MOB3B: variants seen among roughly 807,000 people sequenced by gnomAD.
MOB3B encodes the protein MOB kinase activator-like 2B.
In MOB3B, 7 loss-of-function variants were observed where a neutral mutation model predicts 18.7. That is an observed-to-expected ratio of 0.37 (90% CI 0.21 to 0.70). The LOEUF (loss-of-function observed/expected upper bound fraction) is 0.70. MOB3B is among the 30% of genes least tolerant of loss of function. The pLI is 0.52. For synonymous variants in MOB3B, 111 were observed against 99.9 expected, an observed-to-expected ratio of 1.11 and a Z score of -0.66; for missense variants, 253 against 281.3, an observed-to-expected ratio of 0.90 and a Z score of 0.72.
At chr9:27,406,876 T>C (rs1821988092) in intron 2 of MOB3B, among the ~76,000 whole-genome samples, 2 of 152,086 alleles carry the variant, frequency 1.3e-5, no homozygotes, top group Non-Finnish European at 2.9e-5. Flanking sequence ...TTTGCTCTTG[T>C]TGTGCTGGCT....
At position 27,455,330 on chromosome 9, in the gene MOB3B, A is replaced by G; in HGVS notation, c.221T>C (p.Ile74Thr). The G allele has an allele frequency of 1.2e-6, 2 of 1,614,070 alleles. No homozygotes were observed. The highest frequency in any genetic ancestry group is 1.7e-6 in the Non-Finnish European group (2 of 1,180,016). ...GCAGAACTCACAGATGGTGCCATAG[A>G]TGAGGTTGATCCGATTGAAGAAGTC... ...VVDFFNRINLIYGTICEFCTE... is the reference protein window; with the variant it reads ...VVDFFNRINLTYGTICEFCTE... Residue 74 changes from isoleucine (I) to threonine (T), a missense_variant, in exon 2 of 4, where the codon ATC becomes ACC. By Grantham distance (89) the Ile-to-Thr change is moderately conservative (BLOSUM62 -1). Transcript: ENST00000262244.
intron 1 of MOB3B, among the ~76,000 whole-genome samples, chr9:27,515,937 A>C (rs1462515445): frequency 6.6e-6 from 1 of 152,246 alleles, no homozygotes; most frequent in Non-Finnish European, 1.5e-5. Context: ...AGAAGATGTC[A>C]TACTGGATTA....
chr9:27,459,203 C>T (rs1819240310), intron 1 of MOB3B, among the ~76,000 whole-genome samples: 1 of 152,186 alleles, frequency 6.6e-6, no homozygotes, highest in Admixed American at 6.5e-5. Context: ...ACTTTCCCAG[C>T]CCAGAGCCCC....
chr9:27,376,537 C>T (rs1262921105), intron 2 of MOB3B, among the ~76,000 whole-genome samples: 1 of 152,180 alleles, frequency 6.6e-6, no homozygotes, highest in African/African-American at 2.4e-5. Flanking sequence ...AGTAGTCTTC[C>T]TTTGAGTATA....
intron 2 of MOB3B, among the ~76,000 whole-genome samples, chr9:27,443,203 C>G (rs1020620502): frequency 1.3e-5 from 2 of 152,152 alleles, no homozygotes; most frequent in Non-Finnish European, 2.9e-5. Context: ...CGTGACACAA[C>G]TGAAAAGCAG....
intron 3 of MOB3B, 53 bp from the exon 4 acceptor site, chr9:27,330,669 A>G (rs771500904): frequency 1.6e-5 from 25 of 1,611,826 alleles, no homozygotes; most frequent in Non-Finnish European, 2.1e-5. Context: ...CAGAGCAACG[A>G]TTTGGTGAAG....
chr9:27,360,070 G>A (rs531066962), intron 2 of MOB3B, among the ~76,000 whole-genome samples: 4 of 152,278 alleles, frequency 2.6e-5, no homozygotes, highest in East Asian at 1.9e-4. Flanking sequence ...GTAAAAGAGC[G>A]GTCATAATAA....
chr9:27,455,042 G>C, intron 2 of MOB3B, 91 bp downstream of exon 2: 3 of 1,335,804 alleles, frequency 2.2e-6, no homozygotes, highest in Non-Finnish European at 3.2e-6. Flanking sequence ...TTAATGCATG[G>C]GTGCTACCTA....
chr9:27,372,169 A>T (rs1048754347), intron 2 of MOB3B, among the ~76,000 whole-genome samples: 2 of 152,206 alleles, frequency 1.3e-5, no homozygotes, highest in Non-Finnish European at 2.9e-5. Context: ...GGCCTGGGAC[A>T]CCTTAGTGTC....
At chr9:27,342,131 G>A (rs1820950954) in intron 3 of MOB3B, among the ~76,000 whole-genome samples, 1 of 152,150 alleles carries the variant, frequency 6.6e-6, no homozygotes, top group Non-Finnish European at 1.5e-5. Flanking sequence ...GAGCGACTGG[G>A]ACAGAGCCCG....
At chr9:27,399,128 T>TCATG (rs1563858995) in intron 2 of MOB3B, among the ~76,000 whole-genome samples, 2 of 152,152 alleles carry the variant, frequency 1.3e-5, no homozygotes, top group African/African-American at 4.8e-5. Flanking sequence ...TCTACTATTA[T>TCATG]CATGCATGAA....
At chr9:27,358,571 G>T (rs1017161542) in intron 3 of MOB3B, among the ~76,000 whole-genome samples, 2 of 152,252 alleles carry the variant, frequency 1.3e-5, no homozygotes, top group East Asian at 1.9e-4. Context: ...ACTACCTCTG[G>T]AGTAAAAGCT....
chr9:27,506,747 G>C (rs1297485773), intron 1 of MOB3B, among the ~76,000 whole-genome samples: 1 of 151,372 alleles, frequency 6.6e-6, no homozygotes, highest in African/African-American at 2.4e-5. Flanking sequence ...AGCCAGGATG[G>C]TCTCGATCTC....
chr9:27,441,153 C>T (rs558726661), intron 2 of MOB3B, among the ~76,000 whole-genome samples: 1 of 152,276 alleles, frequency 6.6e-6, no homozygotes, highest in East Asian at 1.9e-4. Flanking sequence ...TGACTTCCAC[C>T]AACAAATGTA....
intron 2 of MOB3B, among the ~76,000 whole-genome samples, chr9:27,430,819 T>G (rs1822406513): frequency 6.6e-6 from 1 of 151,626 alleles, no homozygotes; most frequent in Admixed American, 6.6e-5. Context: ...GCGCAACAAC[T>G]CCTGGTTCTT....
chr9:27,326,675 T>C lies in MOB3B; in HGVS notation c.*3912A>G. 1 of 397,950 alleles carries C rather than the reference T, an allele frequency of 2.5e-6. No homozygotes were observed. Among genetic ancestry groups the C allele is most frequent in the Non-Finnish European group, 4.4e-6 (1 of 225,890 alleles). 24.7% of individuals were successfully genotyped at this position (397,950 alleles called of 1,614,324 possible). ...CAAAGTTTCTTCCACTTAACCTGGC[T>C]CTGAGACTCTGGGTCTTTGGAAATG... On this transcript the variant is annotated 3_prime_UTR_variant, in exon 4 of 4. Coordinates refer to ENST00000262244, the MANE Select transcript of MOB3B (RefSeq NM_024761.5).
intron 3 of MOB3B, among the ~76,000 whole-genome samples, chr9:27,340,705 A>G (rs1194759270): frequency 6.6e-6 from 1 of 151,950 alleles, no homozygotes; most frequent in Non-Finnish European, 1.5e-5. Context: ...ATCCAACCTG[A>G]TTTCTGCTCA....
intron 2 of MOB3B, among the ~76,000 whole-genome samples, chr9:27,446,990 T>A (rs1018312034): frequency 7.5e-6 from 1 of 133,594 alleles, no homozygotes; most frequent in Admixed American, 7.6e-5. Flanking sequence ...TTCACTAGAA[T>A]AGGAAATTAG....
Position 27,326,587 on chromosome 9 carries a change from T to A in MOB3B, c.*4000A>T, listed in dbSNP as rs1387298767. The A allele has an allele frequency of 5.0e-6, 2 of 398,360 alleles. No homozygotes were observed. The highest frequency in any genetic ancestry group is 8.8e-6 in the Non-Finnish European group (2 of 226,040). The allele number at this position is 398,360 out of a possible 1,614,324, so 24.7% of individuals were successfully genotyped here. On this transcript the variant is annotated 3_prime_UTR_variant, in exon 4 of 4. Transcript: ENST00000262244. ...GAAGAACTGTGAGAGGAGTATAGATTTTTTCACCAAGGAAGTTACTGGCAT... is the reference window on the plus strand; with the variant it reads ...GAAGAACTGTGAGAGGAGTATAGATATTTTCACCAAGGAAGTTACTGGCAT...
Sources: allele counts gnomAD v4.1 joint callset (sites outside exome capture counted in the v4.1 genomes callset), GRCh38; gene constraint gnomAD v4.1.1; transcripts MANE v1.5; gene names NCBI Gene and HGNC (gene_info 2026-07-23, HGNC 2026-07-21).